SHC2: variants seen among roughly 807,000 people sequenced by gnomAD.
SHC2 encodes the protein SHC adaptor protein 2.
In SHC2, 62 loss-of-function variants were observed where a neutral mutation model predicts 60.6. The ratio of observed to expected loss-of-function variants is 1.02; its 90% CI spans 0.83 to 1.26. SHC2 has a LOEUF of 1.26. Ranked by LOEUF, SHC2 falls within the 50% of genes most tolerant of loss-of-function variation. The pLI is 0.00. For missense variants in SHC2, 873 were observed against 822.2 expected (o/e 1.06, Z -0.76); for synonymous variants, 375 against 372.4 (o/e 1.01, Z -0.08).
rs755247668 is a variant in SHC2, at chr19:438,921, G to A, written c.600+49C>T. The A allele has an allele frequency of 1.9e-6, 3 of 1,546,592 alleles. No individual in the cohort carries two copies. Among genetic ancestry groups the A allele is most frequent in the South Asian group, 2.4e-5 (2 of 84,978 alleles). Reference sequence around the variant, plus strand: ...CCAGGATGGCCGCAGCGTCCCCACAGCCCCCGACTGCCCCACCAGCCCCAC... The same window carrying A: ...CCAGGATGGCCGCAGCGTCCCCACAACCCCCGACTGCCCCACCAGCCCCAC... On this transcript the variant is annotated intron_variant, in intron 3 of 12. Coordinates refer to ENST00000264554, the MANE Select transcript of SHC2 (RefSeq NM_012435.3). The surrounding 1 kb of genome is among the most constrained non-coding windows in gnomAD (Gnocchi z 5.0).
chr19:432,986 T>C (rs1600289325), intron 8 of SHC2, among the ~76,000 whole-genome samples: 2 of 5,300 alleles, frequency 3.8e-4, no homozygotes, highest in Admixed American at 2.1e-3. Context: ...GCCGGGCAGA[T>C]AGATGGCGCT....
rs1974357598 is a variant in SHC2 at position 424,436 on chromosome 19, C to T, written c.1309+661G>A. On this transcript the variant is annotated intron_variant, in intron 10 of 12. Coordinates refer to ENST00000264554, the MANE Select transcript of SHC2 (RefSeq NM_012435.3). This position sits in a 1 kb window ranked among gnomAD's most constrained non-coding sequence, Gnocchi z 4.5. ...ACCCCGGAGTCACGTGAAGAGAAAA[C>T]TCATCAGACTAGGGAGACCCAGAGT... Among the ~76,000 whole-genome samples, 1 of 152,128 alleles carries T rather than the reference C, an allele frequency of 6.6e-6. No homozygotes were observed. Among genetic ancestry groups the T allele is most frequent in the Admixed American group, 6.5e-5 (1 of 15,278 alleles).
At position 434,876 on chromosome 19, in the gene SHC2, GACA is replaced by G. The variant is rs746188175; in HGVS notation, c.954-14_954-12del. 8 of 1,607,118 alleles carry G rather than the reference GACA, an allele frequency of 5.0e-6. No homozygotes were observed. Among genetic ancestry groups the G allele is most frequent in the African/African-American group, 2.7e-5 (2 of 74,870 alleles). On this transcript the variant is annotated splice_polypyrimidine_tract_variant and intron_variant, in intron 7 of 12. Transcript: ENST00000264554. ...TCCGGCCCTGCCAGCCTGGGGGACA[GACA>G]ACAACGGCCATGGCACAGGCAGGGC...
intron 1 of SHC2, among the ~76,000 whole-genome samples, chr19:458,248 T>C (rs1291857377): frequency 2.9e-4 from 20 of 68,202 alleles, no homozygotes; most frequent in Middle Eastern, 0.013. Context: ...GGAAGTGGGT[T>C]CCGGGGAGGC....
intron 9 of SHC2, among the ~76,000 whole-genome samples, chr19:426,116 G>T (rs535800212): frequency 9.2e-5 from 14 of 152,024 alleles, no homozygotes; most frequent in Admixed American, 8.5e-4. Flanking sequence ...GGAGCTGCCT[G>T]GACCCCATGT....
intron 9 of SHC2, 132 bp downstream of exon 9, chr19:430,552 G>T: frequency 2.9e-6 from 2 of 696,320 alleles, no homozygotes; most frequent in Non-Finnish European, 4.9e-6. Context: ...CAGAGTGTTA[G>T]GAGCAAGACG....
chr19:434,921 CT>C, intron 7 of SHC2, 56 bp from the exon 8 acceptor site: 2 of 1,547,152 alleles, frequency 1.3e-6, no homozygotes, highest in Non-Finnish European at 1.7e-6. Flanking sequence ...GGGCTAAAGC[CT>C]TACGGCTTGA....
chr19:438,606 TC>T lies in SHC2; in HGVS notation c.720+111del. Reference sequence around the variant, plus strand: ...GCTCAGCGGGGCCTCGGCTCGTCTTTCTGGATAAACGCCACCTGCTGCCCGC... The same window carrying T: ...GCTCAGCGGGGCCTCGGCTCGTCTTTTGGATAAACGCCACCTGCTGCCCGC... On this transcript the variant is annotated intron_variant, in intron 4 of 12. Transcript: ENST00000264554. This position sits in a 1 kb window ranked among gnomAD's most constrained non-coding sequence, Gnocchi z 5.0. 7.8e-7 allele frequency: 1 copy of T among 1,282,138 alleles called. No individual in the cohort carries two copies. 79.4% of individuals were successfully genotyped at this position (1,282,138 alleles called of 1,614,324 possible). A position where few individuals can be genotyped will look rare whatever the true frequency, so the allele number is the denominator to read the frequency against.
rs1191733688 is a variant in SHC2 at position 445,320 on chromosome 19, G to A, written c.469-4388C>T. On this transcript the variant is annotated intron_variant, in intron 1 of 12. Transcript: ENST00000264554. This position sits in a 1 kb window ranked among gnomAD's most constrained non-coding sequence, Gnocchi z 4.4. ...CCTTATAAAAGAGACCCCAGACAGA[G>A]CCCAGCCCTCCACCACGTGAGGACA... Among the ~76,000 whole-genome samples, 1 of 152,198 alleles carries A rather than the reference G, an allele frequency of 6.6e-6. No homozygotes were observed. Among genetic ancestry groups the A allele is most frequent in the African/African-American group, 2.4e-5 (1 of 41,450 alleles).
intron 12 of SHC2, among the ~76,000 whole-genome samples, chr19:417,806 C>A (rs1404028910): frequency 2.6e-5 from 4 of 152,106 alleles, no homozygotes; most frequent in Admixed American, 2.0e-4. Flanking sequence ...CTGCCTGCAG[C>A]CCGAGGCCTG....
rs140234610 is a variant in SHC2, at chr19:459,731, C to G, written c.468+798G>C. On this transcript the variant is annotated intron_variant, in intron 1 of 12. Coordinates refer to ENST00000264554, the MANE Select transcript of SHC2 (RefSeq NM_012435.3). ...GTGAACACAGGCTAATGTTCCTGGC[C>G]GCAGAGGCCGGGAGGAGCTGGGAGC... is the stretch of plus-strand genomic sequence containing the variant. 4.6e-3 allele frequency among the ~76,000 whole-genome samples: 697 copies of G among 152,346 alleles called. 4 individuals carry two copies. Among genetic ancestry groups the G allele is most frequent in the Non-Finnish European group, 7.3e-3 (495 of 68,026 alleles).
At chr19:443,326 ATG>A (rs1974956742) in intron 1 of SHC2, among the ~76,000 whole-genome samples, 1 of 133,376 alleles carries the variant, frequency 7.5e-6, no homozygotes. Flanking sequence ...GGGTGGATGG[ATG>A]GATGGGTGGA....
rs1974353574 is a variant in SHC2 at position 424,284 on chromosome 19, G to C, written c.1309+813C>G. Among the ~76,000 whole-genome samples the C allele has an allele frequency of 6.6e-6, 1 of 152,192 alleles. No individual in the cohort carries two copies. Among genetic ancestry groups the C allele is most frequent in the Non-Finnish European group, 1.5e-5 (1 of 68,018 alleles). On this transcript the variant is annotated intron_variant, in intron 10 of 12. Transcript: ENST00000264554. This position sits in a 1 kb window ranked among gnomAD's most constrained non-coding sequence, Gnocchi z 4.5. ...TCATCCACGGGGAAGGAAGGAACGGGCTCACCGTCAGACTAGCCACTTTGT... is the reference window on the plus strand; with the variant it reads ...TCATCCACGGGGAAGGAAGGAACGGCCTCACCGTCAGACTAGCCACTTTGT...
intron 1 of SHC2, among the ~76,000 whole-genome samples, chr19:459,934 G>A (rs1164023800): frequency 6.6e-6 from 1 of 152,210 alleles, no homozygotes; most frequent in Non-Finnish European, 1.5e-5. Context: ...CGTCAGCAGA[G>A]GGGAAGGTTA....
chr19:455,052 A>T (rs1036038094), intron 1 of SHC2, among the ~76,000 whole-genome samples: 68 of 152,202 alleles, frequency 4.5e-4, no homozygotes, highest in African/African-American at 1.6e-3. Flanking sequence ...ATCCAACGTG[A>T]CCTTGTTTAA....
At chr19:452,769 G>A (rs111954556) in intron 1 of SHC2, among the ~76,000 whole-genome samples, 3 of 152,340 alleles carry the variant, frequency 2.0e-5, no homozygotes, top group African/African-American at 7.2e-5. Context: ...TCAGACCTGA[G>A]TGTGACTCAG....
intron 1 of SHC2, among the ~76,000 whole-genome samples, chr19:450,412 G>A (rs1278838830): frequency 1.3e-5 from 2 of 152,138 alleles, no homozygotes; most frequent in Non-Finnish European, 2.9e-5. Context: ...GGCACTCAGC[G>A]CATTCCCGTG....
At position 430,830 on chromosome 19, in the gene SHC2, C is replaced by T. The variant is rs537782599; in HGVS notation, c.1111-83G>A. The stretch of plus-strand genomic sequence containing the variant: ...GGACCCCCAGTCTCCCCGCCCGGCC[C>T]TCTTAGATGGCTGGAGACTTAGGGG... On this transcript the variant is annotated intron_variant, in intron 8 of 12. Transcript: ENST00000264554. The T allele has an allele frequency of 3.1e-6, 4 of 1,304,846 alleles. No homozygotes were observed. The African/African-American group carries it at 4.4e-5, about 14-fold the overall frequency. 80.8% of individuals were successfully genotyped at this position (1,304,846 alleles called of 1,614,324 possible). A position where few individuals can be genotyped will look rare whatever the true frequency, so the allele number is the denominator to read the frequency against.
rs1975246342 is a variant in SHC2, at chr19:453,283, T to C, written c.468+7246A>G. 1 of 152,028 alleles carries C rather than the reference T, an allele frequency of 6.6e-6. No homozygotes were observed. Among genetic ancestry groups the C allele is most frequent in the Admixed American group, 6.5e-5 (1 of 15,270 alleles). 9.4% of individuals were successfully genotyped at this position (152,028 alleles called of 1,614,324 possible). ...TCTCAGAAACAAAACCTGAGTTTTG[T>C]TTCTGAGGCAGGGTCTTGCTCTGTC... On this transcript the variant is annotated intron_variant, in intron 1 of 12. Transcript: ENST00000264554. The surrounding 1 kb of genome is among the most constrained non-coding windows in gnomAD (Gnocchi z 6.3).
Sources: gnomAD v4.1 joint callset for allele counts (sites outside exome capture counted in the v4.1 genomes callset) on GRCh38, gnomAD v4.1.1 for gene constraint, Gnocchi (gnomAD v3.1) non-coding constraint, MANE v1.5 for transcripts, NCBI Gene and HGNC (gene_info 2026-07-23, HGNC 2026-07-21) for gene names.